The following CTNNA2 variants were observed in gnomAD, a reference collection of about 807,000 sequenced individuals.
The protein encoded by CTNNA2 is catenin alpha 2.
Under a neutral mutation model 101.0 loss-of-function variants are expected in CTNNA2, and 42 were observed. The observed-to-expected ratio is 0.42, with a 90% CI of 0.32 to 0.54. The LOEUF is 0.54. Ranked by LOEUF, CTNNA2 falls within the 20% of genes least tolerant of loss-of-function variation. The pLI, the probability that CTNNA2 is intolerant of heterozygous loss-of-function variation, is 0.14. For missense variants in CTNNA2, 871 were observed against 1,223.1 expected (o/e 0.71, Z 4.29); for synonymous variants, 450 against 456.4 (o/e 0.99, Z 0.18).
intron 7 of CTNNA2, among the ~76,000 whole-genome samples, chr2:80,000,917 C>T (rs572928982): frequency 6.6e-6 from 1 of 152,254 alleles, no homozygotes; most frequent in East Asian, 1.9e-4. Context: ...TCAGTATTTG[C>T]CCCAAATGGC....
At chr2:79,841,377 A>G (rs1350202975) in intron 3 of CTNNA2, among the ~76,000 whole-genome samples, 1 of 152,216 alleles carries the variant, frequency 6.6e-6, no homozygotes, top group Non-Finnish European at 1.5e-5. Flanking sequence ...TACTATTAGC[A>G]TTATTAATTT....
At chr2:79,805,774 A>G (rs1676523554) in intron 3 of CTNNA2, among the ~76,000 whole-genome samples, 1 of 151,962 alleles carries the variant, frequency 6.6e-6, no homozygotes, top group Non-Finnish European at 1.5e-5. Flanking sequence ...CGTTTCTACT[A>G]AAAATACAAA....
intron 7 of CTNNA2, among the ~76,000 whole-genome samples, chr2:79,955,247 T>C (rs1689143458): frequency 6.6e-6 from 1 of 152,204 alleles, no homozygotes; most frequent in African/African-American, 2.4e-5. Flanking sequence ...CCTTTTATTG[T>C]GATTCAAGAT....
In CTNNA2 at chr2:80,093,396, G is replaced by C. The variant is rs574141045; in HGVS notation, c.1056+183599G>C. 5.3e-5 allele frequency among the ~76,000 whole-genome samples: 8 copies of C among 152,230 alleles called. 1 individual carries two copies. In the South Asian group the frequency reaches 1.7e-3, roughly 32 times the overall value. On this transcript the variant is annotated intron_variant, in intron 7 of 18. Transcript: ENST00000402739. Reference sequence around the variant, plus strand: ...ACATGTGCCACATTTTGTTAATCCAGTCTATCATTGTTGGACATTTGGGTT... The same window carrying C: ...ACATGTGCCACATTTTGTTAATCCACTCTATCATTGTTGGACATTTGGGTT...
intron 7 of CTNNA2, among the ~76,000 whole-genome samples, chr2:80,104,665 T>C (rs1700770936): frequency 3.3e-5 from 5 of 152,190 alleles, no homozygotes; most frequent in Admixed American, 3.3e-4. Flanking sequence ...TTAATATTTT[T>C]TGAGATATGA....
At chr2:80,564,295 T>C in intron 12 of CTNNA2, among the ~76,000 whole-genome samples, 1 of 152,276 alleles carries the variant, frequency 6.6e-6, no homozygotes, top group South Asian at 2.1e-4. Flanking sequence ...TCATGCTCAA[T>C]ACTTTATTCG....
chr2:80,275,714 AAGAG>A (rs761577253), intron 7 of CTNNA2, among the ~76,000 whole-genome samples: 12 of 151,002 alleles, frequency 7.9e-5, no homozygotes, highest in East Asian at 1.9e-4. Context: ...GAGAGAGAGA[AAGAG>A]AGAGAGAGAG....
intron 1 of CTNNA2, among the ~76,000 whole-genome samples, chr2:79,581,680 A>G (rs762550171): frequency 9.9e-5 from 15 of 152,200 alleles, no homozygotes; most frequent in African/African-American, 2.4e-5. Flanking sequence ...ATTATCAGCA[A>G]TAGAAAAAGA....
rs75149534 is a variant in CTNNA2, at chr2:80,025,835, C to G, written c.1056+116038C>G. 2.8e-3 allele frequency among the ~76,000 whole-genome samples: 428 copies of G among 152,316 alleles called. 1 individual carries two copies. The highest frequency in any genetic ancestry group is 9.5e-3 in the African/African-American group (394 of 41,572). On this transcript the variant is annotated intron_variant, in intron 7 of 18. Coordinates refer to ENST00000402739, the MANE Select transcript of CTNNA2 (RefSeq NM_001282597.3). Reference sequence around the variant, plus strand: ...CTCCATTCAGTAGCTATTGCACCATCTCCTCCTATATGCTGTGCTATGAGC... The same window carrying G: ...CTCCATTCAGTAGCTATTGCACCATGTCCTCCTATATGCTGTGCTATGAGC...
chr2:80,482,517 T>C (rs966523945), intron 9 of CTNNA2, among the ~76,000 whole-genome samples: 4 of 152,084 alleles, frequency 2.6e-5, no homozygotes, highest in African/African-American at 9.7e-5. Flanking sequence ...AATAGGTAAA[T>C]GAATGAGAAT....
chr2:79,977,219 CAT>C (rs1690918430), intron 7 of CTNNA2, among the ~76,000 whole-genome samples: 1 of 137,192 alleles, frequency 7.3e-6, no homozygotes, highest in African/African-American at 2.7e-5. Flanking sequence ...CATGCATATG[CAT>C]GCACACACAC....
intron 7 of CTNNA2, among the ~76,000 whole-genome samples, chr2:80,180,550 G>T (rs1322045402): frequency 6.6e-6 from 1 of 152,176 alleles, no homozygotes; most frequent in Non-Finnish European, 1.5e-5. Flanking sequence ...GCCACCTCAG[G>T]ATCTAACTAT....
chr2:80,132,620 G>A lies in CTNNA2; in HGVS notation c.1056+222823G>A, dbSNP rs541384544. Reference sequence around the variant, plus strand: ...CTCTTGGCAGCCCAAATACTCAGCAGTGAACTGGAATTGGAGAATGGGGGT... The same window carrying A: ...CTCTTGGCAGCCCAAATACTCAGCAATGAACTGGAATTGGAGAATGGGGGT... On this transcript the variant is annotated intron_variant, in intron 7 of 18. Coordinates refer to ENST00000402739, the MANE Select transcript of CTNNA2 (RefSeq NM_001282597.3). Among the ~76,000 whole-genome samples the A allele has an allele frequency of 2.6e-5, 4 of 152,204 alleles. No individual in the cohort carries two copies. In the South Asian group the frequency reaches 8.3e-4, roughly 32 times the overall value.
intron 1 of CTNNA2, among the ~76,000 whole-genome samples, chr2:79,606,274 T>G (rs946088784): frequency 7.2e-5 from 11 of 152,260 alleles, no homozygotes; most frequent in Middle Eastern, 3.4e-3. Context: ...GTTTTTTTGT[T>G]TGTTTATTTT....
intron 3 of CTNNA2, among the ~76,000 whole-genome samples, chr2:79,788,374 A>C (rs772969463): frequency 2.6e-5 from 4 of 152,150 alleles, no homozygotes; most frequent in Admixed American, 1.3e-4. Flanking sequence ...GCAGAGAGGT[A>C]GGAATATAGA....
chr2:80,104,926 A>G (rs1283024696), intron 7 of CTNNA2, among the ~76,000 whole-genome samples: 1 of 152,190 alleles, frequency 6.6e-6, no homozygotes, highest in African/African-American at 2.4e-5. Flanking sequence ...TGCTTCACAG[A>G]TGGCTCTTGT....
intron 3 of CTNNA2, among the ~76,000 whole-genome samples, chr2:79,814,135 C>A (rs1248575549): frequency 6.6e-6 from 1 of 152,206 alleles, no homozygotes; most frequent in Non-Finnish European, 1.5e-5. Context: ...TTCATCTTAA[C>A]TAATACATGA....
intron 9 of CTNNA2, among the ~76,000 whole-genome samples, chr2:80,494,798 T>C (rs889737153): frequency 1.3e-5 from 2 of 152,182 alleles, no homozygotes; most frequent in Non-Finnish European, 2.9e-5. Flanking sequence ...TTAAAAATCT[T>C]ACTTAACTCA....
chr2:79,387,458 A>C (rs1267798507), intron 4 of CTNNA2, among the ~76,000 whole-genome samples: 1 of 152,256 alleles, frequency 6.6e-6, no homozygotes, highest in African/African-American at 2.4e-5. Context: ...GCGTGAAAGA[A>C]GAAAGAGCCA....
Sources: allele counts gnomAD v4.1 joint callset (sites outside exome capture counted in the v4.1 genomes callset), GRCh38; gene constraint gnomAD v4.1.1; transcripts MANE v1.5; gene names NCBI Gene and HGNC (gene_info 2026-07-23, HGNC 2026-07-21).